AKAP6: variants seen among roughly 807,000 people sequenced by gnomAD.
AKAP6 encodes A-kinase anchoring protein 6.
AKAP6 carries 58 observed loss-of-function variants against 188.5 expected under a neutral mutation model. That is an observed-to-expected ratio of 0.31 (90% CI 0.25 to 0.38). AKAP6 has a LOEUF of 0.38. AKAP6 is among the 10% of genes least tolerant of loss of function. The probability of loss-of-function intolerance (pLI) is 1.00; values close to 1 mark genes in which losing one functional copy is unlikely to be tolerated. For synonymous variants in AKAP6, 989 were observed against 998.6 expected, an observed-to-expected ratio of 0.99 and a Z score of 0.18; for missense variants, 2,710 against 2,740.0, an observed-to-expected ratio of 0.99 and a Z score of 0.24.
At chr14:32,365,480 G>A (rs1887803510) in intron 1 of AKAP6, among the ~76,000 whole-genome samples, 1 of 152,060 alleles carries the variant, frequency 6.6e-6, no homozygotes, top group African/African-American at 2.4e-5. Context: ...TGTGTGCTTT[G>A]GGTGGTCATT....
At chr14:32,364,328 A>C (rs1035787110) in intron 1 of AKAP6, among the ~76,000 whole-genome samples, 6 of 152,172 alleles carry the variant, frequency 3.9e-5, no homozygotes, top group African/African-American at 9.7e-5. Context: ...ACCTCATATT[A>C]CATTTTACCA....
rs566795995 is a variant in AKAP6, at chr14:32,428,086, T to C, written c.-34-5374T>C. Among the ~76,000 whole-genome samples, 376 of 152,290 alleles carry C rather than the reference T, an allele frequency of 2.5e-3. 2 individuals are homozygous for C. The highest frequency in any genetic ancestry group is 7.8e-3 in the African/African-American group (325 of 41,562). ...GTTTCTTGCTGAGACAGAGCAGGAA[T>C]CTATTTGGCTGAAGTTGGCTTTGTC... On this transcript the variant is annotated intron_variant, in intron 1 of 13. Coordinates refer to ENST00000280979, the MANE Select transcript of AKAP6 (RefSeq NM_004274.5).
intron 1 of AKAP6, among the ~76,000 whole-genome samples, chr14:32,341,076 T>C (rs1886873596): frequency 6.6e-6 from 1 of 152,272 alleles, no homozygotes; most frequent in South Asian, 2.1e-4. Context: ...CATAATACTT[T>C]TGGTGGTCAA....
intron 2 of AKAP6, among the ~76,000 whole-genome samples, chr14:32,487,982 T>A (rs910874870): frequency 6.6e-6 from 1 of 152,226 alleles, no homozygotes; most frequent in African/African-American, 2.4e-5. Flanking sequence ...TCTCGACCCC[T>A]GCTGGGAGGT....
rs2140172612 is a variant in AKAP6 at position 32,831,230 on chromosome 14, A to G, written c.*1425A>G. 1 of 152,324 alleles carries G rather than the reference A, an allele frequency of 6.6e-6. No individual in the cohort carries two copies. Among genetic ancestry groups the G allele is most frequent in the East Asian group, 1.9e-4 (1 of 5,186 alleles). The allele number at this position is 152,324 out of a possible 1,614,324, so 9.4% of individuals were successfully genotyped here. A position where few individuals can be genotyped will look rare whatever the true frequency, so the allele number is the denominator to read the frequency against. ...ATTTATATGTGTAAAAGAAATTGAC[A>G]AAGAAATATTTCATCTGGCCTTTAC... On this transcript the variant is annotated 3_prime_UTR_variant, in exon 14 of 14. Transcript: ENST00000280979.
At chr14:32,345,823 T>G (rs1448165471) in intron 1 of AKAP6, among the ~76,000 whole-genome samples, 2 of 152,174 alleles carry the variant, frequency 1.3e-5, no homozygotes, top group Non-Finnish European at 2.9e-5. Context: ...ACAAGACCAC[T>G]GCTGCAATAG....
At chr14:32,788,334 A>C (rs1391088542) in intron 12 of AKAP6, among the ~76,000 whole-genome samples, 2 of 152,214 alleles carry the variant, frequency 1.3e-5, no homozygotes, top group African/African-American at 4.8e-5. Flanking sequence ...TAACAATGAT[A>C]AACTATAAAA....
chr14:32,443,062 C>G (rs1330404272), intron 2 of AKAP6, among the ~76,000 whole-genome samples: 1 of 152,022 alleles, frequency 6.6e-6, no homozygotes, highest in Non-Finnish European at 1.5e-5. Context: ...ATGGTTCTCA[C>G]CCTTGGCTGC....
chr14:32,606,546 C>A (rs929875051), intron 7 of AKAP6, among the ~76,000 whole-genome samples: 6 of 152,148 alleles, frequency 3.9e-5, no homozygotes, highest in African/African-American at 1.4e-4. Context: ...GTTCCTTCAC[C>A]CTTTTTAAAG....
chr14:32,712,186 C>A (rs10142378), intron 9 of AKAP6, among the ~76,000 whole-genome samples: 1 of 151,848 alleles, frequency 6.6e-6, no homozygotes, highest in South Asian at 2.1e-4. Context: ...ATAAAAGTTG[C>A]GTTTACACTA....
intron 11 of AKAP6, among the ~76,000 whole-genome samples, chr14:32,750,457 C>T (rs541401945): frequency 2.0e-5 from 3 of 152,018 alleles, no homozygotes; most frequent in South Asian, 2.1e-4. Flanking sequence ...CTTGGAGGCT[C>T]ATTCTTGTAA....
At chr14:32,527,871 G>A (rs1882211001) in intron 2 of AKAP6, among the ~76,000 whole-genome samples, 2 of 152,002 alleles carry the variant, frequency 1.3e-5, no homozygotes, top group Non-Finnish European at 2.9e-5. Flanking sequence ...TAAGTCTTTT[G>A]CAAATATTTT....
At chr14:32,482,963 G>A (rs1879431084) in intron 2 of AKAP6, among the ~76,000 whole-genome samples, 1 of 101,370 alleles carries the variant, frequency 9.9e-6, no homozygotes, top group South Asian at 7.1e-4. Flanking sequence ...CAAAGGGTGT[G>A]TGTGTGTGTC....
At chr14:32,685,721 T>A (rs1171160824) in intron 8 of AKAP6, among the ~76,000 whole-genome samples, 1 of 95,328 alleles carries the variant, frequency 1.0e-5, no homozygotes, top group African/African-American at 4.2e-5. Context: ...CGAGACTCCA[T>A]CTCAAAAAAA....
At chr14:32,559,370 ATT>A (rs1883829140) in intron 4 of AKAP6, among the ~76,000 whole-genome samples, 1 of 152,200 alleles carries the variant, frequency 6.6e-6, no homozygotes, top group Non-Finnish European at 1.5e-5. Context: ...AGATTTTGGA[ATT>A]TTTAAAAAGA....
intron 5 of AKAP6, among the ~76,000 whole-genome samples, chr14:32,593,668 A>T (rs1224961571): frequency 6.6e-6 from 1 of 152,244 alleles, no homozygotes; most frequent in African/African-American, 2.4e-5. Context: ...CTTAGAGAAG[A>T]TAAAACCAAA....
At chr14:32,627,264 A>T (rs560919749) in intron 7 of AKAP6, among the ~76,000 whole-genome samples, 9 of 152,250 alleles carry the variant, frequency 5.9e-5, no homozygotes, top group African/African-American at 2.2e-4. Flanking sequence ...TCAGCGTGAA[A>T]ATCAGAAAAA....
intron 2 of AKAP6, among the ~76,000 whole-genome samples, chr14:32,440,769 G>A (rs1416116153): frequency 1.3e-5 from 2 of 152,190 alleles, no homozygotes; most frequent in Non-Finnish European, 2.9e-5. Flanking sequence ...AAAATTGGAA[G>A]ATGAGGTTGA....
intron 12 of AKAP6, among the ~76,000 whole-genome samples, chr14:32,795,155 C>CA (rs950721310): frequency 6.6e-6 from 1 of 151,808 alleles, no homozygotes; most frequent in Non-Finnish European, 1.5e-5. Context: ...GCCCACCAAC[C>CA]AAAAAAAGCC....
Sources: gnomAD v4.1 joint callset for allele counts (sites outside exome capture counted in the v4.1 genomes callset) on GRCh38, gnomAD v4.1.1 for gene constraint, MANE v1.5 for transcripts, NCBI Gene and HGNC (gene_info 2026-07-23, HGNC 2026-07-21) for gene names.